EPB41L4B: variants seen among roughly 807,000 people sequenced by gnomAD.
The protein encoded by EPB41L4B is erythrocyte membrane protein band 4.1 like 4B, also known as band 4.1-like protein 4B.
Under a neutral mutation model 112.5 loss-of-function variants are expected in EPB41L4B, and 30 were observed. That is an observed-to-expected ratio of 0.27 (90% CI 0.20 to 0.36). EPB41L4B has a LOEUF of 0.36. Ranked by LOEUF, EPB41L4B falls within the 10% of genes least tolerant of loss-of-function variation. The pLI is 1.00. For synonymous variants in EPB41L4B, 408 were observed against 439.7 expected, an observed-to-expected ratio of 0.93 and a Z score of 0.90; for missense variants, 1,024 against 1,133.3, an observed-to-expected ratio of 0.90 and a Z score of 1.38.
chr9:109,293,496 C>T (rs745587841), intron 1 of EPB41L4B, among the ~76,000 whole-genome samples: 3 of 151,730 alleles, frequency 2.0e-5, no homozygotes, highest in Non-Finnish European at 2.9e-5. Context: ...GATTCCCCTG[C>T]CTCAGCCTCC....
At chr9:109,213,887 C>T (rs1314664855) in intron 16 of EPB41L4B, 69 bp from the exon 17 acceptor site, 6 of 1,404,222 alleles carry the variant, frequency 4.3e-6, no homozygotes, top group Non-Finnish European at 6.0e-6. Context: ...GGAAAAGGGA[C>T]ACTTGCCAGC....
At chr9:109,314,637 C>CCA (rs373884772) in intron 1 of EPB41L4B, among the ~76,000 whole-genome samples, 2 of 128,434 alleles carry the variant, frequency 1.6e-5, no homozygotes, top group African/African-American at 7.0e-5. Context: ...CTCTCTCACC[C>CCA]CCCCCCACCT....
chr9:109,271,949 A>T (rs2119100806), intron 2 of EPB41L4B, among the ~76,000 whole-genome samples: 1 of 152,316 alleles, frequency 6.6e-6, no homozygotes, highest in South Asian at 2.1e-4. Flanking sequence ...ATAGTACATC[A>T]ATTCTGGAAA....
rs41278377 is a variant in EPB41L4B, at chr9:109,185,481, G to T, written c.2418+8C>A. The T allele has an allele frequency of 0.037, 59,005 of 1,612,096 alleles. 1,257 individuals are homozygous for T. The highest frequency in any genetic ancestry group is 0.041 in the Non-Finnish European group (47,815 of 1,178,290). ...TGGCCAGGCCCCTCTCCCTGCCAGG[G>T]TACCTACCAGCCTCGTTTTGATTGG... On this transcript the variant is annotated splice_region_variant and intron_variant, in intron 23 of 25. Transcript: ENST00000374566.
At chr9:109,256,705 G>C (rs1834996445) in intron 7 of EPB41L4B, among the ~76,000 whole-genome samples, 1 of 152,240 alleles carries the variant, frequency 6.6e-6, no homozygotes, top group Admixed American at 6.5e-5. Context: ...CACTTTGGGA[G>C]GCCAAGGTTG....
intron 24 of EPB41L4B, among the ~76,000 whole-genome samples, chr9:109,182,416 T>C (rs1040735213): frequency 3.3e-5 from 5 of 151,656 alleles, no homozygotes; most frequent in Non-Finnish European, 7.4e-5. Flanking sequence ...AAAGGGAAAA[T>C]GAGGAGGAAC....
intron 1 of EPB41L4B, among the ~76,000 whole-genome samples, chr9:109,283,768 T>A (rs906216592): frequency 6.6e-6 from 1 of 152,044 alleles, no homozygotes; most frequent in Non-Finnish European, 1.5e-5. Flanking sequence ...CGGGATTACA[T>A]CTCAATAAAC....
chr9:109,260,232 G>C (rs1336668231), intron 6 of EPB41L4B, among the ~76,000 whole-genome samples: 1 of 151,864 alleles, frequency 6.6e-6, no homozygotes, highest in East Asian at 1.9e-4. Context: ...ACCATACCTG[G>C]CTAATTTTTG....
In EPB41L4B at chr9:109,217,047, C is replaced by T. The variant is rs758191389; in HGVS notation, c.1508G>A (p.Arg503Lys). 2 of 1,614,166 alleles carry T rather than the reference C, an allele frequency of 1.2e-6. No homozygotes were observed. Among genetic ancestry groups the T allele is most frequent in the Non-Finnish European group, 8.5e-7 (1 of 1,180,044 alleles). The change falls in exon 16 of 26, where the codon AGG becomes AAG. Residue 503 changes from arginine to lysine, a missense_variant. By Grantham distance (26) the Arg-to-Lys change is conservative (BLOSUM62 2). Transcript: ENST00000374566. ...GTPFLTAASG[R>K]HHHQHQHQHQ... ...CTGATGCTGGTGCTGGTGGTGATGCCTTCCTGAAGCTGCGGTGAGGAACGG... is the reference window on the plus strand; with the variant it reads ...CTGATGCTGGTGCTGGTGGTGATGCTTTCCTGAAGCTGCGGTGAGGAACGG...
At chr9:109,225,950 T>G (rs1833744945) in intron 15 of EPB41L4B, among the ~76,000 whole-genome samples, 1 of 152,216 alleles carries the variant, frequency 6.6e-6, no homozygotes, top group Non-Finnish European at 1.5e-5. Flanking sequence ...TTTTTCACAA[T>G]TCGATTATGA....
intron 20 of EPB41L4B, among the ~76,000 whole-genome samples, chr9:109,199,080 G>T (rs557815361): frequency 4.1e-5 from 6 of 146,844 alleles, no homozygotes; most frequent in African/African-American, 1.5e-4. Context: ...TCTTTGGATG[G>T]GAATTGTCAA....
At chr9:109,214,935 T>G (rs1440666017) in intron 16 of EPB41L4B, among the ~76,000 whole-genome samples, 1 of 152,160 alleles carries the variant, frequency 6.6e-6, no homozygotes. Flanking sequence ...AGGAGGCTGT[T>G]ATGGTTATTT....
chr9:109,263,909 C>G (rs1344776847), intron 5 of EPB41L4B, among the ~76,000 whole-genome samples: 1 of 152,112 alleles, frequency 6.6e-6, no homozygotes, highest in African/African-American at 2.4e-5. Flanking sequence ...ACAAAGCAGG[C>G]TAAACTGCAT....
chr9:109,206,331 C>G (rs1832992475), intron 18 of EPB41L4B, among the ~76,000 whole-genome samples: 1 of 152,088 alleles, frequency 6.6e-6, no homozygotes. Context: ...TATAGGCATG[C>G]ACCACCACAC....
intron 14 of EPB41L4B, among the ~76,000 whole-genome samples, chr9:109,246,710 C>T (rs1834571303): frequency 6.6e-6 from 1 of 152,204 alleles, no homozygotes; most frequent in Non-Finnish European, 1.5e-5. Context: ...GTGCTTGATC[C>T]AGGCTGAGCT....
In EPB41L4B at chr9:109,251,531, A is replaced by C; in HGVS notation, c.1280-20T>G. 6.2e-7 allele frequency: 1 copy of C among 1,612,598 alleles called. No individual in the cohort carries two copies. On this transcript the variant is annotated intron_variant, in intron 12 of 25. Transcript: ENST00000374566. Reference sequence around the variant, plus strand: ...TGCTTGCTATAAAGGAAAAACAGAAAGTTATGACATCTTAGAGAACTTTAT... The same window carrying C: ...TGCTTGCTATAAAGGAAAAACAGAACGTTATGACATCTTAGAGAACTTTAT...
chr9:109,203,643 T>C lies in EPB41L4B; in HGVS notation c.1946+20A>G. 6.3e-7 allele frequency: 1 copy of C among 1,588,098 alleles called. No individual in the cohort carries two copies. Among genetic ancestry groups the C allele is most frequent in the South Asian group, 1.1e-5 (1 of 90,238 alleles). On this transcript the variant is annotated intron_variant, in intron 19 of 25. Transcript: ENST00000374566. ...GATACAGAGAATATCATTTCCCCAT[T>C]CAGACAAGGAGCAACAGACCTTACA...
intron 15 of EPB41L4B, among the ~76,000 whole-genome samples, chr9:109,217,490 A>T (rs80124530): frequency 0.029 from 4,433 of 152,312 alleles, 207 homozygotes; most frequent in African/African-American, 0.098. Context: ...ACAAGATCAT[A>T]ATGCAAACTA....
At chr9:109,292,783 C>T (rs1380999548) in intron 1 of EPB41L4B, among the ~76,000 whole-genome samples, 1 of 152,218 alleles carries the variant, frequency 6.6e-6, no homozygotes, top group African/African-American at 2.4e-5. Flanking sequence ...GTCAGTGCAT[C>T]AACCCAATCA....
Sources: gnomAD v4.1 joint callset for allele counts (sites outside exome capture counted in the v4.1 genomes callset) on GRCh38, gnomAD v4.1.1 for gene constraint, MANE v1.5 for transcripts, NCBI Gene and HGNC (gene_info 2026-07-23, HGNC 2026-07-21) for gene names.